Variants in ADAM2 observed in about 807,000 individuals in gnomAD.
ADAM2 encodes the protein ADAM metallopeptidase domain 2.
A neutral mutation model predicts 99.3 loss-of-function variants in ADAM2; 101 were observed. The ratio of observed to expected loss-of-function variants is 1.02; its 90% CI spans 0.87 to 1.20. The LOEUF is 1.20. Among genes scored for constraint, ADAM2 ranks in the 50% most tolerant of loss-of-function variants. The pLI is 0.00. For missense variants in ADAM2, 948 were observed against 878.7 expected, an observed-to-expected ratio of 1.08 and a Z score of -1.00; for synonymous variants, 323 against 287.6, an observed-to-expected ratio of 1.12 and a Z score of -1.25.
intron 7 of ADAM2, among the ~76,000 whole-genome samples, chr8:39,794,588 C>A (rs1330640574): frequency 2.0e-5 from 3 of 152,124 alleles, no homozygotes; most frequent in Non-Finnish European, 4.4e-5. Context: ...CCTGACCTAA[C>A]TGGTTATGTT....
chr8:39,765,013 A>G (rs1271686504), intron 14 of ADAM2, among the ~76,000 whole-genome samples: 2 of 148,752 alleles, frequency 1.3e-5, no homozygotes, highest in African/African-American at 2.5e-5. Flanking sequence ...ACAGAGCAAG[A>G]CTCCGGCTCC....
chr8:39,779,646 C>T (rs1235972996), intron 10 of ADAM2, among the ~76,000 whole-genome samples: 1 of 152,082 alleles, frequency 6.6e-6, no homozygotes, highest in Non-Finnish European at 1.5e-5. Flanking sequence ...AAAATTTCAA[C>T]AGAGCAGACA....
intron 7 of ADAM2, among the ~76,000 whole-genome samples, chr8:39,797,475 G>A (rs1804016264): frequency 6.6e-6 from 1 of 152,148 alleles, no homozygotes; most frequent in Admixed American, 6.5e-5. Flanking sequence ...TTGAAGTCAG[G>A]TAGCTTGATG....
intron 16 of ADAM2, among the ~76,000 whole-genome samples, chr8:39,750,179 T>TA (rs1823670861): frequency 2.0e-5 from 3 of 152,116 alleles, no homozygotes; most frequent in Admixed American, 6.5e-5. Flanking sequence ...CAGAGTATTA[T>TA]AAAAAAAGAA....
chr8:39,790,842 C>T (rs1425920696), intron 7 of ADAM2, among the ~76,000 whole-genome samples: 1 of 151,760 alleles, frequency 6.6e-6, no homozygotes, highest in Non-Finnish European at 1.5e-5. Flanking sequence ...GGAACAACTC[C>T]TGAAAAGAGA....
chr8:39,802,087 C>T (rs1377051441), intron 7 of ADAM2, among the ~76,000 whole-genome samples: 1 of 152,196 alleles, frequency 6.6e-6, no homozygotes, highest in Non-Finnish European at 1.5e-5. Context: ...TAAGAATCTG[C>T]GTGTTCCATG....
At chr8:39,756,077 T>C (rs904940048) in intron 15 of ADAM2, among the ~76,000 whole-genome samples, 166 bp from the exon 16 acceptor site, 1 of 152,194 alleles carries the variant, frequency 6.6e-6, no homozygotes, top group African/African-American at 2.4e-5. Flanking sequence ...TTGCCAATAA[T>C]AACTGAACAT....
At chr8:39,764,824 G>C (rs2129583972) in intron 14 of ADAM2, among the ~76,000 whole-genome samples, 1 of 152,112 alleles carries the variant, frequency 6.6e-6, no homozygotes, top group South Asian at 2.1e-4. Flanking sequence ...GACCAGCCTG[G>C]CCAACATGGC....
intron 6 of ADAM2, among the ~76,000 whole-genome samples, chr8:39,819,555 A>G (rs1218849262): frequency 2.0e-5 from 3 of 152,126 alleles, no homozygotes; most frequent in Non-Finnish European, 2.9e-5. Flanking sequence ...TTAACATTTA[A>G]GTTGGTAAAG....
At chr8:39,755,680 C>T (rs1387628299) in intron 16 of ADAM2, 48 bp downstream of exon 16, 1 of 1,466,650 alleles carries the variant, frequency 6.8e-7, no homozygotes, top group Admixed American at 1.9e-5. Context: ...CAAAAAAGGG[C>T]AAAGTCTAAA....
intron 6 of ADAM2, among the ~76,000 whole-genome samples, chr8:39,810,495 C>A (rs1390173114): frequency 2.0e-5 from 3 of 152,174 alleles, no homozygotes; most frequent in African/African-American, 7.2e-5. Context: ...TTCTCAGCAC[C>A]ACATCGCACT....
chr8:39,762,814 T>C (rs920797280), intron 14 of ADAM2, among the ~76,000 whole-genome samples: 1 of 152,208 alleles, frequency 6.6e-6, no homozygotes, highest in Non-Finnish European at 1.5e-5. Context: ...AGCCAATTAT[T>C]TGCATAGATA....
intron 7 of ADAM2, among the ~76,000 whole-genome samples, chr8:39,799,089 A>G (rs1804097459): frequency 6.6e-6 from 1 of 152,010 alleles, no homozygotes; most frequent in African/African-American, 2.4e-5. Flanking sequence ...CAGCTTTTGA[A>G]TTACTTTGCT....
intron 19 of ADAM2, 36 bp downstream of exon 19, chr8:39,746,436 T>C: frequency 7.3e-7 from 1 of 1,375,984 alleles, no homozygotes. Context: ...TCATAAATTA[T>C]ACAAATAACA....
intron 13 of ADAM2, 45 bp downstream of exon 13, chr8:39,767,108 A>G: frequency 6.3e-7 from 1 of 1,597,676 alleles, no homozygotes; most frequent in Non-Finnish European, 8.6e-7. Context: ...TAATAATGAT[A>G]ACTACTTATG....
At chr8:39,791,325 A>G (rs1046373603) in intron 7 of ADAM2, among the ~76,000 whole-genome samples, 1 of 152,026 alleles carries the variant, frequency 6.6e-6, no homozygotes, top group Non-Finnish European at 1.5e-5. Context: ...TAACAAGTCT[A>G]TTTTTGCACT....
At chr8:39,800,600 G>C (rs1037542414) in intron 7 of ADAM2, among the ~76,000 whole-genome samples, 5 of 152,104 alleles carry the variant, frequency 3.3e-5, no homozygotes, top group African/African-American at 9.7e-5. Flanking sequence ...AGTTCTCCTG[G>C]ATAATATACT....
intron 7 of ADAM2, among the ~76,000 whole-genome samples, chr8:39,796,602 T>G (rs1586116096): frequency 6.6e-6 from 1 of 152,310 alleles, no homozygotes; most frequent in Non-Finnish European, 1.5e-5. Flanking sequence ...TTCTAGACCC[T>G]TGAGGAATCT....
Position 39,833,881 on chromosome 8 carries a change from CA to C in ADAM2, c.188+62del, listed in dbSNP as rs368819332. The stretch of plus-strand genomic sequence containing the variant: ...AAATACAAAATAATTACATTCTGGA[CA>C]ATTTCAAGCAAAAATTATAAGTAGA... On this transcript the variant is annotated intron_variant, in intron 3 of 20. Coordinates refer to ENST00000265708, the MANE Select transcript of ADAM2 (RefSeq NM_001464.5). 4.2e-3 allele frequency: 3,791 copies of C among 896,024 alleles called. 50 individuals are homozygous for C. The highest frequency in any genetic ancestry group is 0.027 in the South Asian group (1,890 of 71,030). 55.5% of individuals were successfully genotyped at this position (896,024 alleles called of 1,614,324 possible).
Sources: allele counts gnomAD v4.1 joint callset (sites outside exome capture counted in the v4.1 genomes callset), GRCh38; gene constraint gnomAD v4.1.1; transcripts MANE v1.5; gene names NCBI Gene and HGNC (gene_info 2026-07-23, HGNC 2026-07-21).